The following PIP4K2A variants were observed in gnomAD, a reference collection of about 807,000 sequenced individuals.
PIP4K2A encodes phosphatidylinositol 5-phosphate 4-kinase type-2 alpha.
A neutral mutation model predicts 42.9 loss-of-function variants in PIP4K2A; 14 were observed. The ratio of observed to expected loss-of-function variants is 0.33; its 90% CI spans 0.22 to 0.51. The LOEUF is 0.51. Among genes scored for constraint, PIP4K2A ranks in the 20% least tolerant of loss-of-function variants. The pLI, the probability that PIP4K2A is intolerant of heterozygous loss-of-function variation, is 0.97. For missense variants in PIP4K2A, 434 were observed against 519.8 expected, an observed-to-expected ratio of 0.83 and a Z score of 1.61; for synonymous variants, 192 against 192.2, an observed-to-expected ratio of 1.00 and a Z score of 0.01.
intron 1 of PIP4K2A, among the ~76,000 whole-genome samples, chr10:22,659,983 C>G (rs1176087428): frequency 6.6e-6 from 1 of 152,130 alleles, no homozygotes; most frequent in Non-Finnish European, 1.5e-5. Context: ...CGAAGCAGAG[C>G]TCTGGGTCCC....
intron 1 of PIP4K2A, among the ~76,000 whole-genome samples, chr10:22,640,933 A>G (rs993767859): frequency 1.3e-5 from 2 of 152,212 alleles, no homozygotes; most frequent in Admixed American, 6.5e-5. Flanking sequence ...AAACAGTTCT[A>G]AGAACTGAGA....
At chr10:22,714,150 G>A (rs550114802) in intron 1 of PIP4K2A, 33 bp downstream of exon 1, 95 of 1,583,222 alleles carry the variant, frequency 6.0e-5, no homozygotes, top group Admixed American at 1.9e-4. Context: ...GGAGGAGGAG[G>A]AAGGGGACCG....
chr10:22,549,966 T>A (rs1836363028), intron 7 of PIP4K2A, among the ~76,000 whole-genome samples: 1 of 151,944 alleles, frequency 6.6e-6, no homozygotes, highest in South Asian at 2.1e-4. Context: ...CTGCAATGCC[T>A]TTATCATAAA....
chr10:22,658,235 T>C (rs1236799808), intron 1 of PIP4K2A, among the ~76,000 whole-genome samples: 2 of 152,164 alleles, frequency 1.3e-5, no homozygotes, highest in Non-Finnish European at 2.9e-5. Flanking sequence ...AAAAATACTA[T>C]AGAAAATGTT....
At chr10:22,572,899 G>C (rs1311879924) in intron 5 of PIP4K2A, among the ~76,000 whole-genome samples, 1 of 151,084 alleles carries the variant, frequency 6.6e-6, no homozygotes, top group Non-Finnish European at 1.5e-5. Context: ...TTCCCTGACA[G>C]GACTATTTAA....
At chr10:22,600,557 G>A (rs151141771) in intron 3 of PIP4K2A, among the ~76,000 whole-genome samples, 305 of 152,162 alleles carry the variant, frequency 2.0e-3, no homozygotes, top group African/African-American at 5.9e-3. Flanking sequence ...CTAACTTCCC[G>A]GAAATATTCT....
chr10:22,687,741 A>G (rs1428955550), intron 1 of PIP4K2A, among the ~76,000 whole-genome samples: 1 of 152,156 alleles, frequency 6.6e-6, no homozygotes, highest in Admixed American at 6.6e-5. Context: ...TATCATTTCT[A>G]TAATCCCAAA....
intron 6 of PIP4K2A, among the ~76,000 whole-genome samples, chr10:22,566,292 G>A (rs900012309): frequency 1.4e-4 from 21 of 152,034 alleles, no homozygotes; most frequent in African/African-American, 4.1e-4. Flanking sequence ...TTCTCAAGCC[G>A]GCTGATGCTT....
At chr10:22,633,316 C>T (rs183105112) in intron 1 of PIP4K2A, among the ~76,000 whole-genome samples, 24 of 152,186 alleles carry the variant, frequency 1.6e-4, no homozygotes, top group African/African-American at 5.1e-4. Flanking sequence ...TTAAAGTAGC[C>T]GGAGGGAAAG....
chr10:22,714,135 G>A, intron 1 of PIP4K2A, 48 bp downstream of exon 1: 3 of 1,547,906 alleles, frequency 1.9e-6, no homozygotes, highest in Non-Finnish European at 2.6e-6. Context: ...GAACGAGGAG[G>A]AAGAGGAGGA....
chr10:22,657,971 A>G (rs1008847393), intron 1 of PIP4K2A, among the ~76,000 whole-genome samples: 2 of 152,180 alleles, frequency 1.3e-5, no homozygotes, highest in African/African-American at 4.8e-5. Context: ...TGTTTTTTTC[A>G]GGCTAGAAAC....
In PIP4K2A at chr10:22,675,782, A is replaced by T. The variant is rs558519268; in HGVS notation, c.144+38401T>A. ...ATCCACTCTACATAATGCTCAGAGA[A>T]GAGGGTCAATGGCAGGAGGTGCTGA... On this transcript the variant is annotated intron_variant, in intron 1 of 9. Coordinates refer to ENST00000376573, the MANE Select transcript of PIP4K2A (RefSeq NM_005028.5). Among the ~76,000 whole-genome samples the T allele has an allele frequency of 3.9e-5, 6 of 152,328 alleles. No individual in the cohort carries two copies. The East Asian group carries it at 1.2e-3, about 29-fold the overall frequency.
At chr10:22,669,055 C>T (rs1409066969) in intron 1 of PIP4K2A, among the ~76,000 whole-genome samples, 1 of 152,068 alleles carries the variant, frequency 6.6e-6, no homozygotes, top group Non-Finnish European at 1.5e-5. Flanking sequence ...GCTCTGGGGA[C>T]TAAGAACACT....
chr10:22,665,849 C>CATAT (rs1387578212), intron 1 of PIP4K2A, among the ~76,000 whole-genome samples: 2 of 151,562 alleles, frequency 1.3e-5, no homozygotes, highest in African/African-American at 4.9e-5. Flanking sequence ...CAGACACATA[C>CATAT]ATATATATAC....
intron 4 of PIP4K2A, among the ~76,000 whole-genome samples, chr10:22,583,764 G>C (rs571564225): frequency 3.3e-5 from 5 of 152,384 alleles, no homozygotes; most frequent in African/African-American, 1.2e-4. Flanking sequence ...ACTAAGGAAA[G>C]CAAGTGTAGC....
At chr10:22,591,486 T>C (rs1837509451) in intron 4 of PIP4K2A, 143 bp downstream of exon 4, 1 of 577,790 alleles carries the variant, frequency 1.7e-6, no homozygotes, top group Non-Finnish European at 2.9e-6. Flanking sequence ...ACTGTAATTT[T>C]AGAACACAGG....
At chr10:22,560,933 G>A (rs1836676750) in intron 6 of PIP4K2A, among the ~76,000 whole-genome samples, 1 of 152,162 alleles carries the variant, frequency 6.6e-6, no homozygotes, top group African/African-American at 2.4e-5. Flanking sequence ...TACTTCCCCA[G>A]GTCCCCTGCT....
intron 1 of PIP4K2A, among the ~76,000 whole-genome samples, chr10:22,616,325 T>C (rs1049157496): frequency 2.0e-5 from 3 of 152,154 alleles, no homozygotes; most frequent in African/African-American, 7.2e-5. Flanking sequence ...TAGGTGCACA[T>C]GTGCCAAGAC....
chr10:22,572,807 C>T (rs1429897302), intron 5 of PIP4K2A, among the ~76,000 whole-genome samples: 1 of 152,148 alleles, frequency 6.6e-6, no homozygotes, highest in Non-Finnish European at 1.5e-5. Context: ...ACTTACAGTT[C>T]CCTCTGCCAG....
Sources: gnomAD v4.1 joint callset for allele counts (sites outside exome capture counted in the v4.1 genomes callset) on GRCh38, gnomAD v4.1.1 for gene constraint, MANE v1.5 for transcripts, NCBI Gene and HGNC (gene_info 2026-07-23, HGNC 2026-07-21) for gene names.